Variants in CAMTA1 observed in about 807,000 individuals in gnomAD.
CAMTA1 encodes the protein calmodulin-binding transcription activator 1.
CAMTA1 carries 27 observed loss-of-function variants against 170.9 expected under a neutral mutation model. That is an observed-to-expected ratio of 0.16 (90% CI 0.12 to 0.22). CAMTA1 has a LOEUF of 0.22. Ranked by LOEUF, CAMTA1 falls within the 10% of genes least tolerant of loss-of-function variation. CAMTA1 has a pLI of 1.00. For missense variants in CAMTA1, 1,619 were observed against 2,217.2 expected (o/e 0.73, Z 5.42); for synonymous variants, 833 against 891.5 (o/e 0.93, Z 1.17).
chr1:7,498,010 A>G (rs571515725), intron 6 of CAMTA1, among the ~76,000 whole-genome samples: 1 of 151,266 alleles, frequency 6.6e-6, no homozygotes, highest in South Asian at 2.1e-4. Context: ...TCTCCTTGGC[A>G]TGTTGGGATG....
intron 3 of CAMTA1, among the ~76,000 whole-genome samples, chr1:6,863,559 C>G (rs1665542007): frequency 6.6e-6 from 1 of 152,248 alleles, no homozygotes; most frequent in African/African-American, 2.4e-5. Flanking sequence ...TCCCACGTCC[C>G]CTTCCGTGTT....
At chr1:7,667,633 C>T (rs2096013033) in intron 9 of CAMTA1, among the ~76,000 whole-genome samples, 2 of 152,128 alleles carry the variant, frequency 1.3e-5, no homozygotes, top group African/African-American at 4.8e-5. Context: ...CCCCAGCCTC[C>T]TGGGTGTCCT....
At chr1:7,094,103 C>T (rs1305092049) in intron 4 of CAMTA1, among the ~76,000 whole-genome samples, 1 of 152,128 alleles carries the variant, frequency 6.6e-6, no homozygotes, top group African/African-American at 2.4e-5. Context: ...GAATTTCTTT[C>T]CTAAAGGCAG....
chr1:7,679,302 C>T (rs1263209423), intron 11 of CAMTA1, among the ~76,000 whole-genome samples: 1 of 152,202 alleles, frequency 6.6e-6, no homozygotes, highest in Admixed American at 6.5e-5. Flanking sequence ...GATGCTGGGA[C>T]CACTGTAGGA....
At chr1:7,744,759 C>T (rs922374725) in intron 16 of CAMTA1, 76 bp from the exon 17 acceptor site, 16 of 1,293,138 alleles carry the variant, frequency 1.2e-5, no homozygotes, top group Admixed American at 4.3e-5. Flanking sequence ...CTCTCCAAGG[C>T]GAGGCAGGGA....
rs181897204 is a variant in CAMTA1, at chr1:7,164,561, C to T, written c.302+73190C>T. On this transcript the variant is annotated intron_variant, in intron 4 of 22. Coordinates refer to ENST00000303635, the MANE Select transcript of CAMTA1 (RefSeq NM_015215.4). ...CAGCCAGTGTCTTGGGGTCTATGCC[C>T]GTGCCTAGGACTGGCCCATCCTGTC... 6.2e-4 allele frequency among the ~76,000 whole-genome samples: 95 copies of T among 152,302 alleles called. 1 individual carries two copies. The highest frequency in any genetic ancestry group is 6.1e-3 in the Admixed American group (93 of 15,296).
chr1:7,416,624 C>A (rs1016036478), intron 5 of CAMTA1, among the ~76,000 whole-genome samples: 1 of 152,204 alleles, frequency 6.6e-6, no homozygotes, highest in African/African-American at 2.4e-5. Flanking sequence ...CTCCATTAAG[C>A]ACTTCTCTGC....
chr1:7,465,399 G>A (rs2149529250), intron 5 of CAMTA1, among the ~76,000 whole-genome samples: 1 of 152,210 alleles, frequency 6.6e-6, no homozygotes, highest in South Asian at 2.1e-4. Flanking sequence ...CTCTGGTACT[G>A]TTTGATGTGA....
intron 3 of CAMTA1, among the ~76,000 whole-genome samples, chr1:7,055,822 C>G (rs529760919): frequency 3.9e-5 from 6 of 152,380 alleles, no homozygotes; most frequent in Non-Finnish European, 5.9e-5. Context: ...ACGTTCTCCC[C>G]TCCCTGCCAT....
intron 6 of CAMTA1, among the ~76,000 whole-genome samples, chr1:7,475,844 G>A (rs2093412056): frequency 6.6e-6 from 1 of 152,240 alleles, no homozygotes; most frequent in South Asian, 2.1e-4. Context: ...GCAGGGCCCT[G>A]GTCCAGGCCC....
chr1:7,500,068 AGT>A (rs142112568), intron 6 of CAMTA1, among the ~76,000 whole-genome samples: 14,749 of 114,332 alleles, frequency 0.13, 1,423 homozygotes, highest in East Asian at 0.45. Flanking sequence ...TACGTATATG[AGT>A]GTGTGTGTGC....
Position 7,633,838 on chromosome 1 carries a change from A to G in CAMTA1, c.511-6562A>G, listed in dbSNP as rs919556072. 2.6e-5 allele frequency among the ~76,000 whole-genome samples: 4 copies of G among 152,246 alleles called. No homozygotes were observed. In the East Asian group the frequency reaches 7.7e-4, roughly 29 times the overall value. ...AGAGATTAGTGCTGCAAAGACAGCG[A>G]GGCGGGAACCAGGCAAGGTGGGCAC... On this transcript the variant is annotated intron_variant, in intron 6 of 22. Transcript: ENST00000303635. This position sits in a 1 kb window ranked among gnomAD's most constrained non-coding sequence, Gnocchi z 4.1.
intron 5 of CAMTA1, among the ~76,000 whole-genome samples, chr1:7,413,283 T>C (rs1391928441): frequency 6.6e-6 from 1 of 152,190 alleles, no homozygotes; most frequent in Non-Finnish European, 1.5e-5. Context: ...TTTTTTCCAA[T>C]TCTGTGAAGA....
chr1:6,920,700 A>G (rs368544302), intron 3 of CAMTA1, among the ~76,000 whole-genome samples: 1 of 152,212 alleles, frequency 6.6e-6, no homozygotes, highest in Admixed American at 6.5e-5. Flanking sequence ...CCATACCTCA[A>G]TTCTTGACTT....
chr1:6,999,483 G>C (rs117954328), intron 3 of CAMTA1, among the ~76,000 whole-genome samples: 2 of 152,104 alleles, frequency 1.3e-5, no homozygotes, highest in Non-Finnish European at 2.9e-5. Context: ...TGTCAGGCTC[G>C]GGTGATCCTC....
chr1:7,476,658 T>C (rs1318943365), intron 6 of CAMTA1, among the ~76,000 whole-genome samples: 2 of 151,850 alleles, frequency 1.3e-5, no homozygotes, highest in African/African-American at 2.4e-5. Flanking sequence ...GAGGGGAGCA[T>C]GGGGAAGGGC....
At chr1:7,599,003 A>G (rs1172814792) in intron 6 of CAMTA1, among the ~76,000 whole-genome samples, 1 of 152,168 alleles carries the variant, frequency 6.6e-6, no homozygotes, top group African/African-American at 2.4e-5. Context: ...TTTAGACATG[A>G]AGTCCTTGCC....
chr1:7,651,585 G>A (rs767097113), intron 7 of CAMTA1, among the ~76,000 whole-genome samples: 18 of 152,384 alleles, frequency 1.2e-4, no homozygotes, highest in East Asian at 3.9e-4. Flanking sequence ...GCAGGACTGC[G>A]GAGCAGAGAG....
chr1:7,459,655 C>A (rs1575443890), intron 5 of CAMTA1, among the ~76,000 whole-genome samples: 1 of 152,320 alleles, frequency 6.6e-6, no homozygotes, highest in East Asian at 1.9e-4. Flanking sequence ...AGGCTGCAGG[C>A]CCCTGCTCAG....
Sources: gnomAD v4.1 joint callset for allele counts (sites outside exome capture counted in the v4.1 genomes callset) on GRCh38, gnomAD v4.1.1 for gene constraint, Gnocchi (gnomAD v3.1) non-coding constraint, MANE v1.5 for transcripts, NCBI Gene and HGNC (gene_info 2026-07-23, HGNC 2026-07-21) for gene names.